TNC: variants seen among roughly 807,000 people sequenced by gnomAD.
The protein encoded by TNC is tenascin C.
Under a neutral mutation model 202.4 loss-of-function variants are expected in TNC, and 109 were observed. The ratio of observed to expected loss-of-function variants is 0.54; its 90% CI spans 0.46 to 0.63. The LOEUF is 0.63. Among genes scored for constraint, TNC ranks in the 30% least tolerant of loss-of-function variants. The pLI, the probability that TNC is intolerant of heterozygous loss-of-function variation, is 0.00. For synonymous variants in TNC, 1,007 were observed against 1,089.7 expected (o/e 0.92, Z 1.50); for missense variants, 2,756 against 2,833.3 (o/e 0.97, Z 0.62).
chr9:115,062,860 A>T, intron 13 of TNC, 57 bp downstream of exon 13: 1 of 1,565,742 alleles, frequency 6.4e-7, no homozygotes, highest in South Asian at 1.2e-5. Flanking sequence ...AATTTTCTCT[A>T]TTTCAATGAC....
At chr9:115,111,824 G>C (rs1837096034) in intron 1 of TNC, among the ~76,000 whole-genome samples, 1 of 152,024 alleles carries the variant, frequency 6.6e-6, no homozygotes, top group Non-Finnish European at 1.5e-5. Flanking sequence ...GAGGCCCTCA[G>C]TTCAATATCT....
intron 15 of TNC, among the ~76,000 whole-genome samples, chr9:115,056,021 C>A (rs1397526494): frequency 1.3e-5 from 2 of 152,136 alleles, no homozygotes; most frequent in African/African-American, 2.4e-5. Context: ...CCATGGATCA[C>A]CCTGACGACA....
At chr9:115,035,757 T>C (rs1830275704) in intron 21 of TNC, 1 of 282,006 alleles carries the variant, frequency 3.5e-6, no homozygotes, top group Admixed American at 4.7e-5. Context: ...AAAAATTGCC[T>C]AAAAAATATG....
intron 1 of TNC, among the ~76,000 whole-genome samples, chr9:115,096,343 A>C (rs1392912514): frequency 6.6e-6 from 1 of 152,222 alleles, no homozygotes; most frequent in Non-Finnish European, 1.5e-5. Context: ...TACAATTAAA[A>C]ATCTCATTGC....
Position 115,086,563 on chromosome 9 carries a change from C to T in TNC, c.1168G>A (p.Gly390Arg), listed in dbSNP as rs536685730. The T allele has an allele frequency of 1.1e-5, 17 of 1,613,976 alleles. No individual in the cohort carries two copies. Among genetic ancestry groups the T allele is most frequent in the South Asian group, 5.5e-5 (5 of 91,080 alleles). Residue 390 changes from glycine to arginine, a missense_variant, in exon 3 of 28, where the codon GGG becomes AGG. This residue lies in a region of TNC where 2,559 missense variants were observed against 2,546.0 expected (regional missense o/e 1.01). Transcript: ENST00000350763. Reference sequence around the variant, plus strand: ...AAACCATCATCACACTCACACCGCCCGTCTACACAGCGGCCACGATTGTGA... The same window carrying T: ...AAACCATCATCACACTCACACCGCCTGTCTACACAGCGGCCACGATTGTGA... ...DCHNRGRCVD[G>R]RCECDDGFTG...
At chr9:115,076,838 C>T (rs1189338850) in intron 7 of TNC, among the ~76,000 whole-genome samples, 1 of 152,208 alleles carries the variant, frequency 6.6e-6, no homozygotes, top group African/African-American at 2.4e-5. Flanking sequence ...AATGCAAAGA[C>T]TTAAAAATAA....
intron 15 of TNC, chr9:115,052,865 A>C: frequency 1.4e-6 from 1 of 702,680 alleles, no homozygotes; most frequent in South Asian, 1.5e-5. Context: ...ATCTCCTGAG[A>C]CTGTGAATTG....
chr9:115,098,764 C>T (rs140193877), intron 1 of TNC, among the ~76,000 whole-genome samples: 1 of 152,084 alleles, frequency 6.6e-6, no homozygotes, highest in African/African-American at 2.4e-5. Flanking sequence ...TTTTTCTTCT[C>T]GCTTACAGGC....
intron 4 of TNC, 43 bp downstream of exon 4, chr9:115,084,166 C>G (rs1475624303): frequency 6.3e-7 from 1 of 1,594,118 alleles, no homozygotes; most frequent in Non-Finnish European, 8.5e-7. Context: ...ACTGGGTGGG[C>G]TGACATCAGG....
Position 115,087,045 on chromosome 9 carries a change from C to T in TNC, c.686G>A (p.Gly229Asp). 2 of 1,613,570 alleles carry T rather than the reference C, an allele frequency of 1.2e-6. No homozygotes were observed. Among genetic ancestry groups the T allele is most frequent in the South Asian group, 2.2e-5 (2 of 91,066 alleles). Residue 229 changes from glycine to aspartate, a missense_variant, in exon 3 of 28, where the codon GGC becomes GAC. Coordinates refer to ENST00000350763, the MANE Select transcript of TNC (RefSeq NM_002160.4). ...LACPSDCNDQGKCVNGVCICF... is the reference protein window; with the variant it reads ...LACPSDCNDQDKCVNGVCICF... ...GATGCAGACTCCATTTACGCACTTGCCCTGGTCATTGCAGTCGCTGGGGCA... is the reference window on the plus strand; with the variant it reads ...GATGCAGACTCCATTTACGCACTTGTCCTGGTCATTGCAGTCGCTGGGGCA...
intron 1 of TNC, among the ~76,000 whole-genome samples, chr9:115,098,936 G>GTTTTTT (rs1227896909): frequency 4.9e-4 from 20 of 40,936 alleles, no homozygotes; most frequent in African/African-American, 1.7e-3. Flanking sequence ...CCTTAAGTGT[G>GTTTTTT]TATTTTTTTT....
intron 4 of TNC, among the ~76,000 whole-genome samples, chr9:115,083,596 A>C (rs944224957): frequency 7.1e-6 from 1 of 141,702 alleles, no homozygotes; most frequent in African/African-American, 2.7e-5. Context: ...TCATATAATG[A>C]GGACTCTTTT....
chr9:115,040,281 C>T (rs182831474), intron 19 of TNC, among the ~76,000 whole-genome samples: 49 of 152,278 alleles, frequency 3.2e-4, no homozygotes, highest in Middle Eastern at 3.4e-3. Flanking sequence ...TCAGTTGTCT[C>T]CTCTGTAAAA....
At chr9:115,051,172 G>A (rs760890932) in intron 15 of TNC, among the ~76,000 whole-genome samples, 13 of 152,060 alleles carry the variant, frequency 8.5e-5, no homozygotes, top group Non-Finnish European at 1.8e-4. Context: ...TGAAGTTTTT[G>A]CTGCCACCAT....
Position 115,020,358 on chromosome 9 carries a change from T to C in TNC, c.*799A>G, listed in dbSNP as rs909696622. 4.0e-4 allele frequency: 65 copies of C among 161,312 alleles called. No individual in the cohort carries two copies. Among genetic ancestry groups the C allele is most frequent in the Middle Eastern group, 3.2e-3 (1 of 316 alleles). 10.0% of individuals were successfully genotyped at this position (161,312 alleles called of 1,614,324 possible). On this transcript the variant is annotated 3_prime_UTR_variant, in exon 28 of 28. Transcript: ENST00000350763. ...CTGGCCTGTAAGCTTTTCCCAAGTG[T>C]GTTCAACTTTATTTAAAAAAAGTGC...
intron 14 of TNC, among the ~76,000 whole-genome samples, chr9:115,057,762 G>T (rs75471482): frequency 0.014 from 2,180 of 152,330 alleles, 57 homozygotes; most frequent in African/African-American, 0.05. Flanking sequence ...CTACCTCAGG[G>T]TTGCTGGCCA....
At chr9:115,029,917 G>A (rs1829820467) in intron 24 of TNC, among the ~76,000 whole-genome samples, 1 of 152,196 alleles carries the variant, frequency 6.6e-6, no homozygotes, top group South Asian at 2.1e-4. Flanking sequence ...CACAGTGCCT[G>A]GTAGATAATA....
At chr9:115,108,360 A>G (rs1019153433) in intron 1 of TNC, among the ~76,000 whole-genome samples, 1 of 152,214 alleles carries the variant, frequency 6.6e-6, no homozygotes, top group African/African-American at 2.4e-5. Context: ...TAATTACAGC[A>G]AGATATCTCA....
chr9:115,111,147 T>C (rs767950980), intron 1 of TNC, among the ~76,000 whole-genome samples: 4 of 152,092 alleles, frequency 2.6e-5, no homozygotes, highest in Admixed American at 6.6e-5. Context: ...AACTTGTCAT[T>C]GATAAGAGGT....
Sources: allele counts gnomAD v4.1 joint callset (sites outside exome capture counted in the v4.1 genomes callset), GRCh38; gene constraint gnomAD v4.1.1; regional missense constraint gnomAD v4.1.1; transcripts MANE v1.5; gene names NCBI Gene and HGNC (gene_info 2026-07-23, HGNC 2026-07-21).